Variants in NTRK3 observed in about 807,000 individuals in gnomAD.
The protein encoded by NTRK3 is NT-3 growth factor receptor.
NTRK3 carries 24 observed loss-of-function variants against 91.7 expected under a neutral mutation model. The observed-to-expected ratio is 0.26, with a 90% CI of 0.19 to 0.37. NTRK3 has a LOEUF of 0.37. Ranked by LOEUF, NTRK3 falls within the 10% of genes least tolerant of loss-of-function variation. NTRK3 has a pLI of 1.00. For synonymous variants in NTRK3, 483 were observed against 404.0 expected, an observed-to-expected ratio of 1.20 and a Z score of -2.34; for missense variants, 880 against 1,068.9, an observed-to-expected ratio of 0.82 and a Z score of 2.46.
intron 5 of NTRK3, among the ~76,000 whole-genome samples, chr15:88,155,805 CATCTATCTATCT>C (rs71146401): frequency 0.014 from 2,133 of 150,664 alleles, 38 homozygotes; most frequent in African/African-American, 0.035. Context: ...TGTAATCTAT[CATCTATCTATCT>C]ATCTATCTAT....
chr15:88,147,520 TC>T (rs2042997747), intron 5 of NTRK3, 117 bp from the exon 6 acceptor site: 3 of 352,114 alleles, frequency 8.5e-6, no homozygotes, highest in Non-Finnish European at 1.4e-5. Context: ...TTCTTCTTCT[TC>T]TTCTTCTTCT....
chr15:88,229,297 A>G (rs2050963931), intron 3 of NTRK3, among the ~76,000 whole-genome samples: 1 of 152,196 alleles, frequency 6.6e-6, no homozygotes, highest in African/African-American at 2.4e-5. Flanking sequence ...AAGAGGTTAC[A>G]TGACTTATCC....
At chr15:88,015,086 T>C (rs1350751909) in intron 14 of NTRK3, among the ~76,000 whole-genome samples, 2 of 152,228 alleles carry the variant, frequency 1.3e-5, no homozygotes, top group African/African-American at 2.4e-5. Context: ...ATTTCTCTTC[T>C]TTCTGGAACA....
At chr15:88,168,515 G>A (rs2045205934) in intron 5 of NTRK3, among the ~76,000 whole-genome samples, 1 of 152,212 alleles carries the variant, frequency 6.6e-6, no homozygotes, top group Non-Finnish European at 1.5e-5. Context: ...AGCTTAATTT[G>A]TTTTCTTTTC....
chr15:88,078,514 G>A (rs1414610657), intron 13 of NTRK3, among the ~76,000 whole-genome samples: 1 of 152,216 alleles, frequency 6.6e-6, no homozygotes, highest in Non-Finnish European at 1.5e-5. Flanking sequence ...GCTGGACATG[G>A]TGGTGCACGC....
chr15:88,075,817 A>G (rs1416975046), intron 13 of NTRK3, among the ~76,000 whole-genome samples: 1 of 152,164 alleles, frequency 6.6e-6, no homozygotes, highest in Non-Finnish European at 1.5e-5. Context: ...TGAGAGTCCC[A>G]ATTCTACTAC....
In NTRK3 at chr15:87,886,699, T is replaced by TATATATATAC. The variant is rs1265075771; in HGVS notation, c.2134-6272_2134-6271insGTATATATAT. 6.5e-4 allele frequency among the ~76,000 whole-genome samples: 90 copies of TATATATATAC among 138,486 alleles called. 1 individual carries two copies. Among genetic ancestry groups the TATATATATAC allele is most frequent in the Admixed American group, 2.0e-3 (27 of 13,836 alleles). 90.9% of individuals were successfully genotyped at this position (138,486 alleles called of 152,430 possible). A position where few individuals can be genotyped will look rare whatever the true frequency, so the allele number is the denominator to read the frequency against. On this transcript the variant is annotated intron_variant, in intron 17 of 18. Coordinates refer to ENST00000394480, the Ensembl canonical transcript of NTRK3. Reference sequence around the variant, plus strand: ...TGCTATATATATATATATATATATATACATATATACACACACACACATACA... The same window carrying TATATATATAC: ...TGCTATATATATATATATATATATATATATATATACACATATATACACACACACACATACA...
chr15:87,861,864 T>G (rs1206514039), exon 19 of NTRK3: 1 of 210,118 alleles, frequency 4.8e-6, no homozygotes, highest in Non-Finnish European at 9.7e-6. Flanking sequence ...CTTCTAGAGA[T>G]GCCTGCTCTG....
At chr15:88,012,194 G>A (rs962190177) in intron 14 of NTRK3, among the ~76,000 whole-genome samples, 1 of 152,116 alleles carries the variant, frequency 6.6e-6, no homozygotes, top group African/African-American at 2.4e-5. Context: ...CATCCTCCAC[G>A]AACCTATAAG....
chr15:88,128,519 C>A (rs1481564138), intron 11 of NTRK3, among the ~76,000 whole-genome samples, 192 bp downstream of exon 11: 1 of 152,068 alleles, frequency 6.6e-6, no homozygotes, highest in Non-Finnish European at 1.5e-5. Flanking sequence ...GAGTGATTAC[C>A]CAAGAAAAGT....
At chr15:88,049,281 AAGAGTTTATGTTCCCAGGGCAGC>A (rs1372069172) in intron 13 of NTRK3, among the ~76,000 whole-genome samples, 8 of 151,994 alleles carry the variant, frequency 5.3e-5, no homozygotes, top group Non-Finnish European at 1.0e-4. Flanking sequence ...CCTAGTTTTC[AAGAGTTTATGTTCCCAGGGCAGC>A]AGGCATAATT....
At chr15:87,972,243 G>A (rs977717523) in intron 14 of NTRK3, among the ~76,000 whole-genome samples, 2 of 152,182 alleles carry the variant, frequency 1.3e-5, no homozygotes, top group African/African-American at 4.8e-5. Flanking sequence ...CAGAAACTGA[G>A]GCAAAGACAG....
At chr15:88,254,208 C>A (rs1034072468) in intron 3 of NTRK3, among the ~76,000 whole-genome samples, 10 of 152,130 alleles carry the variant, frequency 6.6e-5, no homozygotes, top group African/African-American at 2.2e-4. Context: ...ACATCCACCC[C>A]CTACACACAT....
At chr15:88,072,555 G>A (rs2047184669) in intron 13 of NTRK3, 1 of 232,318 alleles carries the variant, frequency 4.3e-6, no homozygotes, top group African/African-American at 2.2e-5. Flanking sequence ...TTTTTTAACT[G>A]CTTTGAGTCA....
chr15:87,927,074 A>G (rs370114201), intron 17 of NTRK3: 2 of 152,242 alleles, frequency 1.3e-5, no homozygotes, highest in Non-Finnish European at 1.5e-5. Context: ...CTCCTCTTTG[A>G]TATTTTCTGG....
At chr15:87,991,240 C>T (rs1300480700) in intron 14 of NTRK3, among the ~76,000 whole-genome samples, 3 of 152,110 alleles carry the variant, frequency 2.0e-5, no homozygotes, top group African/African-American at 7.2e-5. Flanking sequence ...TCTTTTCACC[C>T]CTGGCTACAT....
rs372702604 is a variant in NTRK3 at position 88,086,731 on chromosome 15, G to T, written c.1396+39540C>A. Among the ~76,000 whole-genome samples, 17 of 152,316 alleles carry T rather than the reference G, an allele frequency of 1.1e-4. 1 individual carries two copies. The highest frequency in any genetic ancestry group is 3.8e-4 in the African/African-American group (16 of 41,560). On this transcript the variant is annotated intron_variant, in intron 13 of 18. Coordinates refer to ENST00000394480, the Ensembl canonical transcript of NTRK3. ...CATGCTTCAGTGCAGTTTGGAGTAC[G>T]CAGGTGGTTTCAATGGGCAGACAAG... is the stretch of plus-strand genomic sequence containing the variant.
intron 17 of NTRK3, among the ~76,000 whole-genome samples, chr15:87,916,087 T>G (rs2067429043): frequency 6.6e-6 from 1 of 152,134 alleles, no homozygotes; most frequent in Non-Finnish European, 1.5e-5. Context: ...ATTGACCCAG[T>G]CTTCTGATTC....
intron 6 of NTRK3, among the ~76,000 whole-genome samples, chr15:88,146,713 GA>G: frequency 6.6e-6 from 1 of 152,240 alleles, no homozygotes. Flanking sequence ...CATGCAGATT[GA>G]AAAAATATAT....
Sources: allele counts gnomAD v4.1 joint callset (sites outside exome capture counted in the v4.1 genomes callset), GRCh38; gene constraint gnomAD v4.1.1; transcripts MANE v1.5; gene names NCBI Gene and HGNC (gene_info 2026-07-23, HGNC 2026-07-21).